The following PLEKHA8 variants were observed in gnomAD, a reference collection of about 807,000 sequenced individuals.
The protein encoded by PLEKHA8 is pleckstrin homology domain containing A8.
PLEKHA8 carries 36 observed loss-of-function variants against 68.2 expected under a neutral mutation model. The ratio of observed to expected loss-of-function variants is 0.53; its 90% CI spans 0.40 to 0.70. The LOEUF (loss-of-function observed/expected upper bound fraction) is 0.70, where lower values mean the gene tolerates loss of function less well. PLEKHA8 is among the 30% of genes least tolerant of loss of function. The pLI is 0.00. For missense variants in PLEKHA8, 505 were observed against 615.4 expected (o/e 0.82, Z 1.90); for synonymous variants, 211 against 216.1 (o/e 0.98, Z 0.20).
intron 9 of PLEKHA8, among the ~76,000 whole-genome samples, chr7:30,056,661 G>A (rs1419467565): frequency 3.5e-5 from 5 of 144,650 alleles, no homozygotes; most frequent in African/African-American, 1.0e-4. Context: ...CCTGGGAGAC[G>A]GAGGTTGCAG....
chr7:30,057,741 G>A (rs767630342), intron 9 of PLEKHA8, among the ~76,000 whole-genome samples: 4 of 152,212 alleles, frequency 2.6e-5, no homozygotes, highest in Admixed American at 1.3e-4. Flanking sequence ...GATTACAGGA[G>A]TGAGCCACTG....
chr7:30,052,226 A>G (rs2127978430), intron 6 of PLEKHA8, among the ~76,000 whole-genome samples: 1 of 152,328 alleles, frequency 6.6e-6, no homozygotes, highest in African/African-American at 2.4e-5. Context: ...TCTAAATTGC[A>G]GCCTTGAGGC....
chr7:30,087,740 C>T (rs936257564), downstream of PLEKHA8, among the ~76,000 whole-genome samples: 1 of 152,206 alleles, frequency 6.6e-6, no homozygotes. Context: ...CCTTCACAAA[C>T]TTGGTATGCC....
Position 30,078,665 on chromosome 7 carries a change from G to T in PLEKHA8, c.1438G>T (p.Glu480Ter). ...LTVKEGDHQK[E>*]AFSIGMQRDL... ...CGTAAAGGAAGGTGACCACCAGAAA[G>T]AAGCTTTCAGTATTGGGATGCAGAG... Residue 480 changes from glutamate (E) to a stop codon, truncating the protein, a stop_gained, in exon 14 of 14, where the codon GAA (glutamate) becomes TAA (stop). Transcript: ENST00000449726. LOFTEE classifies it high-confidence loss of function. 6.2e-7 allele frequency: 1 copy of T among 1,613,920 alleles called. No individual in the cohort carries two copies. The highest frequency in any genetic ancestry group is 8.5e-7 in the Non-Finnish European group (1 of 1,179,862).
chr7:30,101,319 G>A (rs565461351), intron 13 of PLEKHA8, among the ~76,000 whole-genome samples: 92 of 152,370 alleles, frequency 6.0e-4, no homozygotes, highest in African/African-American at 2.2e-3. Context: ...TGAGGCTGCT[G>A]TAATAAAATA....
intron 12 of PLEKHA8, among the ~76,000 whole-genome samples, chr7:30,067,355 A>G (rs982326645): frequency 2.0e-5 from 3 of 152,160 alleles, no homozygotes; most frequent in African/African-American, 7.2e-5. Context: ...CTGTAGTTCT[A>G]GCTACTTGGG....
chr7:30,092,763 G>C (rs190766729), downstream of PLEKHA8, among the ~76,000 whole-genome samples: 56 of 152,322 alleles, frequency 3.7e-4, no homozygotes, highest in Non-Finnish European at 2.9e-5. Context: ...TCCAGAATAG[G>C]CCCATCATGG....
chr7:30,113,545 A>T (rs1465012407), intron 13 of PLEKHA8, among the ~76,000 whole-genome samples: 1 of 151,904 alleles, frequency 6.6e-6, no homozygotes, highest in Non-Finnish European at 1.5e-5. Flanking sequence ...TGTAGTGTAG[A>T]TTTATTTTCA....
chr7:30,091,413 A>G (rs1454768213), downstream of PLEKHA8, among the ~76,000 whole-genome samples: 6 of 152,156 alleles, frequency 3.9e-5, no homozygotes, highest in African/African-American at 1.4e-4. Flanking sequence ...GCTGCTCCTT[A>G]TAATGACATT....
chr7:30,052,696 A>T lies in PLEKHA8; in HGVS notation c.639-13A>T, dbSNP rs1413588403. 3 of 1,527,598 alleles carry T rather than the reference A, an allele frequency of 2.0e-6. No homozygotes were observed. The highest frequency in any genetic ancestry group is 2.6e-6 in the Non-Finnish European group (3 of 1,145,846). 94.6% of individuals were successfully genotyped at this position (1,527,598 alleles called of 1,614,324 possible). A position where few individuals can be genotyped will look rare whatever the true frequency, so the allele number is the denominator to read the frequency against. On this transcript the variant is annotated splice_polypyrimidine_tract_variant and intron_variant, in intron 6 of 13. Transcript: ENST00000449726. ...CGACCTTCTGGCTTTTTTTCCTTTT[A>T]AAAAATTTGCAGGCAAATGGAGTTG... is the stretch of plus-strand genomic sequence containing the variant.
Position 30,028,544 on chromosome 7 carries a change from T to C in PLEKHA8, c.-219T>C. On this transcript the variant is annotated 5_prime_UTR_variant, in exon 1 of 14. Coordinates refer to ENST00000449726, the MANE Select transcript of PLEKHA8 (RefSeq NM_001197026.2). ...AGCGTGCCGGCTTCGCCCCACGGGT[T>C]CACCGGCTGGCTGGGCTTCAAGCGC... 1 of 375,926 alleles carries C rather than the reference T, an allele frequency of 2.7e-6. No homozygotes were observed. Among genetic ancestry groups the C allele is most frequent in the Non-Finnish European group, 4.7e-6 (1 of 212,308 alleles). The allele number at this position is 375,926 out of a possible 1,614,324, so 23.3% of individuals were successfully genotyped here.
rs992912264 is a variant in PLEKHA8 at position 30,079,646 on chromosome 7, C to G, written c.*859C>G. 4 of 556,828 alleles carry G rather than the reference C, an allele frequency of 7.2e-6. No individual in the cohort carries two copies. Among genetic ancestry groups the G allele is most frequent in the Middle Eastern group, 8.9e-4 (1 of 1,124 alleles). The allele number at this position is 556,828 out of a possible 1,614,324, so 34.5% of individuals were successfully genotyped here. A position where few individuals can be genotyped will look rare whatever the true frequency, so the allele number is the denominator to read the frequency against. ...TGTTCACAGTCACATAGTTTTTAAG[C>G]AGAGGAGCCAGATAATTTCCAAGTG... On this transcript the variant is annotated 3_prime_UTR_variant, in exon 14 of 14. Coordinates refer to ENST00000449726, the MANE Select transcript of PLEKHA8 (RefSeq NM_001197026.2).
intron 7 of PLEKHA8, among the ~76,000 whole-genome samples, chr7:30,053,949 G>A (rs184236960): frequency 1.5e-4 from 23 of 152,044 alleles, no homozygotes; most frequent in African/African-American, 5.6e-4. Context: ...ATGTATTGTT[G>A]ATTCATTAAC....
At position 30,060,885 on chromosome 7, in the gene PLEKHA8, C is replaced by G. The variant is rs776169032; in HGVS notation, c.1041C>G (p.Asp347Glu). 4 of 1,611,126 alleles carry G rather than the reference C, an allele frequency of 2.5e-6. No individual in the cohort carries two copies. The highest frequency in any genetic ancestry group is 3.3e-5 in the Admixed American group (2 of 59,722). ...ASCYAVVPVL[D>E]KLGPTVFAPV... ...AATGTTTTTAATCTTTTCTTCTAGA[C>G]AAACTTGGCCCTACAGTGTTTGCTC... Residue 347 changes from aspartate (D) to glutamate (E), a missense_variant and splice_region_variant, in exon 10 of 14, where the codon GAC (aspartate) becomes GAG (glutamate). Asp to Glu is a conservative substitution (Grantham distance 45). Coordinates refer to ENST00000449726, the MANE Select transcript of PLEKHA8 (RefSeq NM_001197026.2).
chr7:30,056,408 AACAT>A (rs1792935294), intron 9 of PLEKHA8, among the ~76,000 whole-genome samples: 1 of 143,470 alleles, frequency 7.0e-6, no homozygotes, highest in East Asian at 2.0e-4. Flanking sequence ...ACATATATAT[AACAT>A]ACATATATAT....
Position 30,081,166 on chromosome 7 carries a change from T to C in PLEKHA8, c.*2379T>C. 1.0e-6 allele frequency: 1 copy of C among 985,418 alleles called. No homozygotes were observed. The highest frequency in any genetic ancestry group is 1.2e-6 in the Non-Finnish European group (1 of 829,908). The allele number at this position is 985,418 out of a possible 1,614,324, so 61.0% of individuals were successfully genotyped here. ...AGGGGCTTAATATTATCTGAGATCA[T>C]TGAGAACCCAGATCAGACAGAATAG... is the stretch of plus-strand genomic sequence containing the variant. On this transcript the variant is annotated 3_prime_UTR_variant, in exon 14 of 14. Transcript: ENST00000449726.
chr7:30,046,452 ACCACCT>A, intron 3 of PLEKHA8, 87 bp downstream of exon 3: 1 of 1,437,140 alleles, frequency 7.0e-7, no homozygotes, highest in Non-Finnish European at 9.3e-7. Flanking sequence ...CTTGCTTCTG[ACCACCT>A]AGCCAGCTTT....
Position 30,080,492 on chromosome 7 carries a change from T to C in PLEKHA8, c.*1705T>C. The C allele has an allele frequency of 4.1e-6, 4 of 985,386 alleles. No individual in the cohort carries two copies. Among genetic ancestry groups the C allele is most frequent in the Non-Finnish European group, 4.8e-6 (4 of 829,908 alleles). The allele number at this position is 985,386 out of a possible 1,614,324, so 61.0% of individuals were successfully genotyped here. A position where few individuals can be genotyped will look rare whatever the true frequency, so the allele number is the denominator to read the frequency against. ...CAGATCTCTAGGATGGAGAGAATTC[T>C]CTCTTTAGTCAGAGAAGTTTATGTA... is the stretch of plus-strand genomic sequence containing the variant. On this transcript the variant is annotated 3_prime_UTR_variant, in exon 14 of 14. Transcript: ENST00000449726.
At chr7:30,086,660 C>T (rs1438616897), downstream of PLEKHA8, among the ~76,000 whole-genome samples, 1 of 152,148 alleles carries the variant, frequency 6.6e-6, no homozygotes, top group East Asian at 1.9e-4. Context: ...TCTGTTCTAC[C>T]ATCACTCTAT....
Sources: allele counts gnomAD v4.1 joint callset (sites outside exome capture counted in the v4.1 genomes callset), GRCh38; gene constraint gnomAD v4.1.1; transcripts MANE v1.5; gene names NCBI Gene and HGNC (gene_info 2026-07-23, HGNC 2026-07-21).